CUX1: variants seen among roughly 807,000 people sequenced by gnomAD.
CUX1 encodes the protein cut like homeobox 1.
A neutral mutation model predicts 158.8 loss-of-function variants in CUX1; 31 were observed. That is an observed-to-expected ratio of 0.20 (90% CI 0.15 to 0.26). The LOEUF (loss-of-function observed/expected upper bound fraction) is 0.26. CUX1 is among the 10% of genes least tolerant of loss of function. The pLI is 1.00. For missense variants in CUX1, 1,589 were observed against 2,014.6 expected (o/e 0.79, Z 4.04); for synonymous variants, 879 against 862.1 (o/e 1.02, Z -0.34).
rs534819351 is a variant in CUX1, at chr7:101,885,927, C to T, written c.31-30188C>T. On this transcript the variant is annotated intron_variant, in intron 1 of 23. Transcript: ENST00000292535. The stretch of plus-strand genomic sequence containing the variant: ...ACAGGGCGGATGCTATTTTCACCGC[C>T]GTTTATAGGAGAGGAAACTGAGGCA... Among the ~76,000 whole-genome samples, 230 of 152,270 alleles carry T rather than the reference C, an allele frequency of 1.5e-3. 9 individuals carry two copies. In the South Asian group the frequency reaches 0.041, roughly 27 times the overall value.
Position 102,251,603 on chromosome 7 carries a change from G to T in CUX1, c.*2561G>T, listed in dbSNP as rs10280063. 1.7e-5 allele frequency: 17 copies of T among 985,380 alleles called. No individual in the cohort carries two copies. The African/African-American group carries it at 3.0e-4, about 17-fold the overall frequency. The allele number at this position is 985,380 out of a possible 1,614,324, so 61.0% of individuals were successfully genotyped here. On this transcript the variant is annotated 3_prime_UTR_variant, in exon 24 of 24. Transcript: ENST00000292535. Reference sequence around the variant, plus strand: ...AGAATTCAAAATTAGAGGAGCTTAAGGGGACACGGGTCAACATCTAGCTCG... The same window carrying T: ...AGAATTCAAAATTAGAGGAGCTTAATGGGACACGGGTCAACATCTAGCTCG...
intron 2 of CUX1, among the ~76,000 whole-genome samples, chr7:101,980,903 C>T (rs1813356660): frequency 6.6e-6 from 1 of 152,204 alleles, no homozygotes. Flanking sequence ...CCTTTGAGTT[C>T]AATGTCCTGG....
chr7:102,216,564 A>C (rs1323970203), intron 20 of CUX1, among the ~76,000 whole-genome samples: 6 of 71,564 alleles, frequency 8.4e-5, no homozygotes, highest in Admixed American at 1.7e-4. Context: ...ACGCACACAC[A>C]CTCCCACACA....
At chr7:102,168,918 C>CTTTTTTTTTTTTTT (rs1239519322) in intron 9 of CUX1, among the ~76,000 whole-genome samples, 5 of 84,138 alleles carry the variant, frequency 5.9e-5, no homozygotes, top group Admixed American at 1.2e-4. Flanking sequence ...CTTTTATTTT[C>CTTTTTTTTTTTTTT]TTTTCTTTTC....
In CUX1 at chr7:101,974,984, A is replaced by T. The variant is rs143825326; in HGVS notation, c.142-53114A>T. 3.0e-3 allele frequency among the ~76,000 whole-genome samples: 450 copies of T among 152,314 alleles called. 2 individuals are homozygous for T. Among genetic ancestry groups the T allele is most frequent in the Middle Eastern group, 0.024 (7 of 294 alleles). On this transcript the variant is annotated intron_variant, in intron 2 of 23. Transcript: ENST00000292535. ...CCACACCAGCCAGGTGTGGTGGCTCATACCTCTAATCCCAGCACTTTGGGA... is the reference window on the plus strand; with the variant it reads ...CCACACCAGCCAGGTGTGGTGGCTCTTACCTCTAATCCCAGCACTTTGGGA...
chr7:102,267,661 C>A (rs1586503325), intron 14 of CUX1, among the ~76,000 whole-genome samples: 1 of 152,112 alleles, frequency 6.6e-6, no homozygotes, highest in African/African-American at 2.4e-5. Context: ...CATGCCTAGA[C>A]TTTTTTTGGG....
At position 102,193,804 on chromosome 7, in the gene CUX1, AAAAT is replaced by A. The variant is rs782308227; in HGVS notation, c.1077-30_1077-27del. The A allele has an allele frequency of 1.4e-5, 23 of 1,605,368 alleles. No individual in the cohort carries two copies. The African/African-American group carries it at 2.7e-4, about 19-fold the overall frequency. ...GTGACAGAACGAGACTCTGTCTCAA[AAAAT>A]AAATAAAATAACCCCTCTGTTGTGC... is the stretch of plus-strand genomic sequence containing the variant. On this transcript the variant is annotated intron_variant, in intron 12 of 23. Transcript: ENST00000292535.
intron 8 of CUX1, among the ~76,000 whole-genome samples, chr7:102,134,566 G>A (rs1379322884): frequency 1.3e-5 from 2 of 152,068 alleles, no homozygotes; most frequent in African/African-American, 4.8e-5. Flanking sequence ...ATCCTCCTCC[G>A]TCTTTCCCCC....
chr7:102,239,110 C>G (rs1799896649), intron 22 of CUX1, among the ~76,000 whole-genome samples: 1 of 152,210 alleles, frequency 6.6e-6, no homozygotes, highest in Admixed American at 6.5e-5. Context: ...TGGTCTTGAA[C>G]TCCTGACATC....
chr7:102,276,088 A>G (rs1211376267), intron 17 of CUX1, among the ~76,000 whole-genome samples: 2 of 151,786 alleles, frequency 1.3e-5, no homozygotes, highest in Non-Finnish European at 1.5e-5. Flanking sequence ...TTGTTTATCC[A>G]TTCACCTATT....
intron 15 of CUX1, 132 bp downstream of exon 15, chr7:102,197,437 CTT>C: frequency 9.2e-7 from 1 of 1,087,814 alleles, no homozygotes; most frequent in Non-Finnish European, 1.3e-6. Context: ...GTTCTCTTTG[CTT>C]CTGCCACGTC....
rs10584842 is a variant in CUX1, at chr7:101,927,147, A to AAC, written c.141+10951_141+10952dup. Among the ~76,000 whole-genome samples, 958 of 149,596 alleles carry AAC rather than the reference A, an allele frequency of 6.4e-3. 4 individuals are homozygous for AAC. Among genetic ancestry groups the AAC allele is most frequent in the East Asian group, 0.035 (178 of 5,060 alleles). On this transcript the variant is annotated intron_variant, in intron 2 of 23. Coordinates refer to ENST00000292535, the MANE Select transcript of CUX1 (RefSeq NM_181552.4). ...GACTTTTTGTATCACCTGTCAACAC[A>AAC]ACACACACACACACACACACACACA...
intron 2 of CUX1, among the ~76,000 whole-genome samples, chr7:102,026,498 T>A (rs1820036125): frequency 6.6e-6 from 1 of 152,128 alleles, no homozygotes; most frequent in Non-Finnish European, 1.5e-5. Context: ...GGTCAGTAGC[T>A]TTCCTCAGAT....
chr7:101,981,309 A>G (rs1342363607), intron 2 of CUX1, among the ~76,000 whole-genome samples: 1 of 152,124 alleles, frequency 6.6e-6, no homozygotes, highest in East Asian at 1.9e-4. Context: ...CCGCATGAGG[A>G]TGTAAGTTGC....
intron 8 of CUX1, among the ~76,000 whole-genome samples, chr7:102,141,651 C>G (rs1448940161): frequency 6.6e-6 from 1 of 152,114 alleles, no homozygotes; most frequent in African/African-American, 2.4e-5. Context: ...GAGACAGGCT[C>G]TCACTCTGTT....
chr7:102,033,024 G>A (rs1354276368), intron 3 of CUX1, among the ~76,000 whole-genome samples: 2 of 152,204 alleles, frequency 1.3e-5, no homozygotes, highest in African/African-American at 4.8e-5. Context: ...GGGGATGAGG[G>A]GCTGGCTCAG....
At chr7:101,996,419 G>A (rs984301091) in intron 2 of CUX1, among the ~76,000 whole-genome samples, 1 of 152,026 alleles carries the variant, frequency 6.6e-6, no homozygotes, top group Non-Finnish European at 1.5e-5. Flanking sequence ...CCTGCAGGTG[G>A]TCCGGCCCTG....
intron 23 of CUX1, among the ~76,000 whole-genome samples, chr7:102,243,904 G>C (rs2132552263): frequency 6.6e-6 from 1 of 152,136 alleles, no homozygotes; most frequent in South Asian, 2.1e-4. Flanking sequence ...GCACATGCCT[G>C]TAATCCCAGC....
chr7:101,979,244 TC>T (rs1365435833), intron 2 of CUX1, among the ~76,000 whole-genome samples: 8 of 151,962 alleles, frequency 5.3e-5, no homozygotes, highest in Admixed American at 2.0e-4. Context: ...GAAAAAGGGC[TC>T]CCTAGGGCCG....
Sources: gnomAD v4.1 joint callset for allele counts (sites outside exome capture counted in the v4.1 genomes callset) on GRCh38, gnomAD v4.1.1 for gene constraint, MANE v1.5 for transcripts, NCBI Gene and HGNC (gene_info 2026-07-23, HGNC 2026-07-21) for gene names.